Variants in CHIC1 observed in about 807,000 individuals in gnomAD.
The protein encoded by CHIC1 is cysteine-rich hydrophobic domain-containing protein 1.
CHIC1 carries 7 observed loss-of-function variants against 18.5 expected under a neutral mutation model. The observed-to-expected ratio is 0.38, with a 90% CI of 0.22 to 0.71. The LOEUF (loss-of-function observed/expected upper bound fraction) is 0.71. Ranked by LOEUF, CHIC1 falls within the 30% of genes least tolerant of loss-of-function variation. The pLI is 0.49. For synonymous variants in CHIC1, 77 were observed against 73.5 expected (o/e 1.05, Z -0.25); for missense variants, 159 against 176.9 (o/e 0.90, Z 0.57).
intron 3 of CHIC1, among the ~76,000 whole-genome samples, chrX:73,669,633 A>C (rs1450222010): frequency 9.0e-6 from 1 of 111,418 alleles, no homozygotes; most frequent in Non-Finnish European, 1.9e-5. Flanking sequence ...GTCCCACTTA[A>C]AGAAGCAGTC....
rs1020277519 is a variant in CHIC1 at position 73,686,699 on chromosome X, C to T, written c.*5694C>T. The T allele has an allele frequency of 4.5e-5, 5 of 111,329 alleles. No individual in the cohort carries two copies. The highest frequency in any genetic ancestry group is 1.6e-4 in the African/African-American group (5 of 30,706). 9.2% of individuals were successfully genotyped at this position (111,329 alleles called of 1,213,427 possible). On this transcript the variant is annotated 3_prime_UTR_variant, in exon 6 of 6. Transcript: ENST00000373502. Reference sequence around the variant, plus strand: ...GCGAATTTGCCCTCCTTGGACTAACCACATACAAATATGAATCTGGCTGCA... The same window carrying T: ...GCGAATTTGCCCTCCTTGGACTAACTACATACAAATATGAATCTGGCTGCA...
chrX:73,684,408 G>A lies in CHIC1; in HGVS notation c.*3403G>A. 1 of 111,333 alleles carries A rather than the reference G, an allele frequency of 9.0e-6. No individual in the cohort carries two copies. Among genetic ancestry groups the A allele is most frequent in the East Asian group, 2.8e-4 (1 of 3,532 alleles). 9.2% of individuals were successfully genotyped at this position (111,333 alleles called of 1,213,427 possible). A position where few individuals can be genotyped will look rare whatever the true frequency, so the allele number is the denominator to read the frequency against. Reference sequence around the variant, plus strand: ...AAATTTGAATAAAGTTTAAAAACGTGTAAGCCTTTGAACAAATGTATGAAA... The same window carrying A: ...AAATTTGAATAAAGTTTAAAAACGTATAAGCCTTTGAACAAATGTATGAAA... On this transcript the variant is annotated 3_prime_UTR_variant, in exon 6 of 6. Transcript: ENST00000373502.
chrX:73,663,038 C>A (rs1162816982), intron 3 of CHIC1, among the ~76,000 whole-genome samples: 1 of 111,368 alleles, frequency 9.0e-6, no homozygotes, highest in Non-Finnish European at 1.9e-5. Flanking sequence ...TTTTCTCTGT[C>A]CTGTTCTGCA....
chrX:73,653,113 T>A (rs1245106269), intron 3 of CHIC1, among the ~76,000 whole-genome samples: 2 of 110,624 alleles, frequency 1.8e-5, no homozygotes, highest in African/African-American at 6.6e-5. Context: ...CTCAGTAAAC[T>A]AACACAGGAA....
At chrX:73,611,154 A>G (rs1436979245) in intron 3 of CHIC1, among the ~76,000 whole-genome samples, 1 of 107,557 alleles carries the variant, frequency 9.3e-6, no homozygotes, top group Non-Finnish European at 1.9e-5. Flanking sequence ...ATATCTCCTA[A>G]TGCTATCCCT....
chrX:73,672,779 A>G (rs1454056217), intron 3 of CHIC1, among the ~76,000 whole-genome samples: 2 of 111,262 alleles, frequency 1.8e-5, no homozygotes, highest in African/African-American at 6.6e-5. Context: ...ATTAGATCCC[A>G]TTTGTCAATT....
chrX:73,598,579 G>A (rs1440907236), intron 3 of CHIC1, among the ~76,000 whole-genome samples: 1 of 103,767 alleles, frequency 9.6e-6, no homozygotes, highest in East Asian at 3.1e-4. Context: ...AGAATATGTG[G>A]TGTTTGGCTT....
rs545071551 is a variant in CHIC1 at position 73,618,350 on chromosome X, C to A, written c.507+33778C>A. Among the ~76,000 whole-genome samples, 26 of 111,482 alleles carry A rather than the reference C, an allele frequency of 2.3e-4. No homozygotes were observed. In the South Asian group the frequency reaches 9.9e-3, roughly 43 times the overall value. ...TCCTAGAACTCCCAAGATAATATGT[C>A]CTTTGTCTTTTGCTACCAGAGTGGG... On this transcript the variant is annotated intron_variant, in intron 3 of 5. Transcript: ENST00000373502.
intron 3 of CHIC1, among the ~76,000 whole-genome samples, chrX:73,625,333 G>A (rs1265378847): frequency 9.0e-6 from 1 of 111,340 alleles, no homozygotes; most frequent in Non-Finnish European, 1.9e-5. Flanking sequence ...GTTTCAACAT[G>A]TGGTTCTCTG....
chrX:73,667,919 T>G (rs766199735), intron 3 of CHIC1, among the ~76,000 whole-genome samples: 1 of 111,985 alleles, frequency 8.9e-6, no homozygotes, highest in Non-Finnish European at 1.9e-5. Context: ...CTAGCTAGTT[T>G]GGGGAAGTGC....
chrX:73,607,818 C>A (rs1192482899), intron 3 of CHIC1, among the ~76,000 whole-genome samples: 1 of 107,889 alleles, frequency 9.3e-6, no homozygotes, highest in Non-Finnish European at 1.9e-5. Context: ...GTGGGCTGCA[C>A]CCACTGTCTA....
chrX:73,599,038 A>G (rs1192100169), intron 3 of CHIC1, among the ~76,000 whole-genome samples: 1 of 108,839 alleles, frequency 9.2e-6, no homozygotes, highest in Non-Finnish European at 1.9e-5. Context: ...CTTGTGTGAG[A>G]TGGTATCTCA....
At chrX:73,672,236 C>T (rs1271878120) in intron 3 of CHIC1, among the ~76,000 whole-genome samples, 11 of 111,820 alleles carry the variant, frequency 9.8e-5, no homozygotes, top group Non-Finnish European at 1.7e-4. Flanking sequence ...CATACGTGTG[C>T]ATGTGTCTTT....
intron 3 of CHIC1, among the ~76,000 whole-genome samples, chrX:73,631,115 T>C (rs1190299125): frequency 1.8e-5 from 2 of 111,908 alleles, no homozygotes; most frequent in Non-Finnish European, 3.8e-5. Flanking sequence ...ATTTATGATT[T>C]TATTTATTTG....
intron 3 of CHIC1, among the ~76,000 whole-genome samples, chrX:73,676,894 G>A (rs2058068002): frequency 9.0e-6 from 1 of 111,322 alleles, no homozygotes. Context: ...TGATGGTCAC[G>A]TACAGATGGG....
At chrX:73,667,980 G>A (rs1024333084) in intron 3 of CHIC1, among the ~76,000 whole-genome samples, 5 of 111,567 alleles carry the variant, frequency 4.5e-5, no homozygotes, top group Non-Finnish European at 9.4e-5. Flanking sequence ...CATTCTCCCA[G>A]TTTCTTTCAG....
chrX:73,670,252 C>G (rs2058023499), intron 3 of CHIC1, among the ~76,000 whole-genome samples: 2 of 111,400 alleles, frequency 1.8e-5, no homozygotes, highest in South Asian at 7.8e-4. Context: ...CTAATCAGTC[C>G]CAACGTGAGA....
intron 3 of CHIC1, among the ~76,000 whole-genome samples, chrX:73,667,772 G>A (rs2058011289): frequency 9.0e-6 from 1 of 110,786 alleles, no homozygotes; most frequent in African/African-American, 3.3e-5. Flanking sequence ...ATGTGACTTG[G>A]CCTTTCTCTC....
intron 3 of CHIC1, among the ~76,000 whole-genome samples, chrX:73,646,567 A>C (rs1444235732): frequency 8.9e-6 from 1 of 112,274 alleles, no homozygotes; most frequent in Non-Finnish European, 1.9e-5. Context: ...GTGAACTTTA[A>C]TCCTGAGTAC....
Sources: allele counts gnomAD v4.1 joint callset (sites outside exome capture counted in the v4.1 genomes callset), GRCh38; gene constraint gnomAD v4.1.1; transcripts MANE v1.5; gene names NCBI Gene and HGNC (gene_info 2026-07-23, HGNC 2026-07-21).